The following DCX variants were observed in gnomAD, a reference collection of about 807,000 sequenced individuals.
The protein encoded by DCX is neuronal migration protein doublecortin.
DCX carries 4 observed loss-of-function variants against 20.9 expected under a neutral mutation model. The observed-to-expected ratio is 0.19, with a 90% confidence interval of 0.09 to 0.44. The LOEUF is 0.44. Among genes scored for constraint, DCX ranks in the 20% least tolerant of loss-of-function variants. The pLI, the probability that DCX is intolerant of heterozygous loss-of-function variation, is 0.99. For synonymous variants in DCX, 103 were observed against 111.4 expected, an observed-to-expected ratio of 0.92 and a Z score of 0.47; for missense variants, 133 against 296.9, an observed-to-expected ratio of 0.45 and a Z score of 4.06.
chrX:111,317,089 G>A (rs1415325504), intron 5 of DCX, among the ~76,000 whole-genome samples: 2 of 111,811 alleles, frequency 1.8e-5, no homozygotes. Context: ...AAATTCATAT[G>A]GAACCAAAAA....
intron 3 of DCX, among the ~76,000 whole-genome samples, chrX:111,335,324 C>T (rs1327129177): frequency 8.9e-6 from 1 of 112,021 alleles, no homozygotes; most frequent in Non-Finnish European, 1.9e-5. Flanking sequence ...AAATTCATAC[C>T]TTCCTCTATA....
At chrX:111,385,756 AGAGG>A (rs371619243) in intron 3 of DCX, among the ~76,000 whole-genome samples, 16 of 88,413 alleles carry the variant, frequency 1.8e-4, no homozygotes, top group Middle Eastern at 5.5e-3. Context: ...GGAGAAAGAG[AGAGG>A]GAGGGAGGGA....
chrX:111,403,220 G>A (rs1238950742), intron 2 of DCX, among the ~76,000 whole-genome samples: 1 of 111,973 alleles, frequency 8.9e-6, no homozygotes, highest in African/African-American at 3.3e-5. Flanking sequence ...CTGCCTTTGA[G>A]TCAGATGTTT....
intron 5 of DCX, among the ~76,000 whole-genome samples, chrX:111,318,667 C>A (rs902674989): frequency 9.0e-6 from 1 of 110,837 alleles, no homozygotes; most frequent in African/African-American, 3.3e-5. Flanking sequence ...AAGCTGGAGG[C>A]CATTATCCTT....
intron 3 of DCX, among the ~76,000 whole-genome samples, chrX:111,387,986 T>TG (rs1926653041): frequency 1.8e-5 from 2 of 111,991 alleles, no homozygotes; most frequent in Admixed American, 1.9e-4. Context: ...TAAACCTGAC[T>TG]GATTCCTCCA....
intron 2 of DCX, among the ~76,000 whole-genome samples, chrX:111,404,855 G>C (rs1218871512): frequency 1.8e-5 from 2 of 112,653 alleles, no homozygotes; most frequent in Non-Finnish European, 3.7e-5. Context: ...TCTGCTGCCA[G>C]AGCTCAGTGC....
At chrX:111,386,676 A>G (rs1175923274) in intron 3 of DCX, among the ~76,000 whole-genome samples, 1 of 111,347 alleles carries the variant, frequency 9.0e-6, no homozygotes, top group Non-Finnish European at 1.9e-5. Context: ...ACTAATATAG[A>G]CATGGATTAA....
intron 3 of DCX, among the ~76,000 whole-genome samples, chrX:111,350,767 C>T (rs1341277798): frequency 1.8e-5 from 2 of 111,968 alleles, no homozygotes; most frequent in East Asian, 2.8e-4. Context: ...TTAGTCCATT[C>T]TCACACTGCT....
chrX:111,404,053 A>ATAAAATAAAATAAAG (rs1928023329), intron 2 of DCX, among the ~76,000 whole-genome samples: 1 of 100,029 alleles, frequency 1.0e-5, no homozygotes, highest in Non-Finnish European at 2.0e-5. Context: ...CCGTCTTAAA[A>ATAAAATAAAATAAAG]TAAAATAAAA....
intron 6 of DCX, among the ~76,000 whole-genome samples, chrX:111,305,726 G>A (rs1020536357): frequency 1.4e-4 from 15 of 108,461 alleles, no homozygotes; most frequent in Non-Finnish European, 2.3e-4. Context: ...AGATGAACTA[G>A]TAATTATAAG....
At chrX:111,319,593 A>G (rs2095081815) in intron 5 of DCX, among the ~76,000 whole-genome samples, 1 of 112,204 alleles carries the variant, frequency 8.9e-6, no homozygotes, top group African/African-American at 3.2e-5. Flanking sequence ...CAAAGCAGTC[A>G]ATTACTCTTT....
intron 3 of DCX, among the ~76,000 whole-genome samples, chrX:111,346,160 C>T (rs188282825): frequency 4.4e-4 from 48 of 110,027 alleles, no homozygotes; most frequent in African/African-American, 1.6e-3. Flanking sequence ...GGGTACATTG[C>T]AAAATTTTTC....
At chrX:111,381,516 C>A (rs945709868) in intron 3 of DCX, among the ~76,000 whole-genome samples, 4 of 110,406 alleles carry the variant, frequency 3.6e-5, no homozygotes, top group Non-Finnish European at 7.6e-5. Context: ...TGCAGAATTG[C>A]CCTGAAGATT....
chrX:111,370,477 G>A (rs1365131556), intron 3 of DCX, among the ~76,000 whole-genome samples: 2 of 111,595 alleles, frequency 1.8e-5, no homozygotes, highest in African/African-American at 6.5e-5. Flanking sequence ...TTTTAAATTT[G>A]AGAGGCACTT....
rs1433252557 is a variant in DCX, at chrX:111,297,954, C to T, written c.*3733G>A. The T allele has an allele frequency of 9.0e-6, 1 of 111,652 alleles. No homozygotes were observed. Among genetic ancestry groups the T allele is most frequent in the Non-Finnish European group, 1.9e-5 (1 of 53,165 alleles). 9.2% of individuals were successfully genotyped at this position (111,652 alleles called of 1,213,427 possible). ...GCTTTGGGGACATTGTGGATGAGGG[C>T]AACCACAGTGAGACCAGGTTATTTT... On this transcript the variant is annotated 3_prime_UTR_variant, in exon 7 of 7. Transcript: ENST00000636035.
At chrX:111,379,560 C>A (rs747663332) in intron 3 of DCX, among the ~76,000 whole-genome samples, 1 of 111,980 alleles carries the variant, frequency 8.9e-6, no homozygotes, top group South Asian at 3.7e-4. Context: ...ATTTTTTATG[C>A]CTGAATAATA....
chrX:111,325,802 T>C (rs2095098451), intron 5 of DCX, among the ~76,000 whole-genome samples: 1 of 112,407 alleles, frequency 8.9e-6, no homozygotes, highest in Non-Finnish European at 1.9e-5. Context: ...ATGAAATATG[T>C]CAAAATTAAT....
At chrX:111,335,460 AAGAC>A (rs1921630896) in intron 3 of DCX, among the ~76,000 whole-genome samples, 1 of 112,493 alleles carries the variant, frequency 8.9e-6, no homozygotes, top group African/African-American at 3.2e-5. Flanking sequence ...AGGATACACA[AAGAC>A]AGAAAAGTAG....
At position 111,391,894 on chromosome X, in the gene DCX, G is replaced by A. The variant is rs376059226; in HGVS notation, c.705+9096C>T. Among the ~76,000 whole-genome samples the A allele has an allele frequency of 3.6e-5, 4 of 111,485 alleles. No homozygotes were observed. In the East Asian group the frequency reaches 8.5e-4, roughly 24 times the overall value. On this transcript the variant is annotated intron_variant, in intron 3 of 6. Transcript: ENST00000636035. The stretch of plus-strand genomic sequence containing the variant: ...TAAATCTAGGAAAAATTGATAGACT[G>A]GAATTCTAGAAGCTCCTTTTTCTGT...
Sources: allele counts gnomAD v4.1 joint callset (sites outside exome capture counted in the v4.1 genomes callset), GRCh38; gene constraint gnomAD v4.1.1; transcripts MANE v1.5; gene names NCBI Gene and HGNC (gene_info 2026-07-23, HGNC 2026-07-21).